ABLIM1: variants seen among roughly 807,000 people sequenced by gnomAD.
ABLIM1 encodes actin binding LIM protein 1, also known as actin-binding LIM protein 1.
ABLIM1 carries 40 observed loss-of-function variants against 107.0 expected under a neutral mutation model. The ratio of observed to expected loss-of-function variants is 0.37; its 90% CI spans 0.29 to 0.49. The LOEUF (loss-of-function observed/expected upper bound fraction) is 0.49. Among genes scored for constraint, ABLIM1 ranks in the 20% least tolerant of loss-of-function variants. The probability of loss-of-function intolerance (pLI) is 0.97; values close to 1 mark genes in which losing one functional copy is unlikely to be tolerated. For missense variants in ABLIM1, 857 were observed against 1,008.5 expected (o/e 0.85, Z 2.04); for synonymous variants, 357 against 357.3 (o/e 1.00, Z 0.01).
upstream of ABLIM1, among the ~76,000 whole-genome samples, chr10:114,768,835 A>G (rs1175422235): frequency 6.6e-6 from 1 of 152,138 alleles, no homozygotes; most frequent in Non-Finnish European, 1.5e-5. Context: ...GCTGGTGACC[A>G]CTCTGAACAA....
intron 12 of ABLIM1, chr10:114,462,895 C>A: frequency 1.2e-6 from 1 of 818,678 alleles, no homozygotes; most frequent in Non-Finnish European, 1.8e-6. Context: ...CGTTCTAAGA[C>A]AACTGTTGGG....
chr10:114,558,136 C>G (rs1287270969), intron 4 of ABLIM1, among the ~76,000 whole-genome samples: 1 of 152,144 alleles, frequency 6.6e-6, no homozygotes, highest in Admixed American at 6.6e-5. Flanking sequence ...GGGACCCAGA[C>G]CAAACCCCTG....
At chr10:114,463,532 TA>T (rs147705117) in intron 12 of ABLIM1, among the ~76,000 whole-genome samples, 4 of 151,142 alleles carry the variant, frequency 2.6e-5, no homozygotes, top group Admixed American at 2.0e-4. Flanking sequence ...AAATGCTTAT[TA>T]AAAAAAATGA....
At chr10:114,487,880 C>T in intron 8 of ABLIM1, 78 bp downstream of exon 8, 1 of 1,548,670 alleles carries the variant, frequency 6.5e-7, no homozygotes, top group Non-Finnish European at 8.9e-7. Context: ...TTCACCTAAA[C>T]CCTAGCCCCA....
intron 4 of ABLIM1, among the ~76,000 whole-genome samples, 177 bp from the exon 5 acceptor site, chr10:114,547,953 T>A (rs2137661223): frequency 6.6e-6 from 1 of 152,356 alleles, no homozygotes; most frequent in Middle Eastern, 3.4e-3. Context: ...GCTCACAGGC[T>A]GCGTCCTCGG....
At chr10:114,612,429 T>C (rs1490830739) in intron 1 of ABLIM1, among the ~76,000 whole-genome samples, 1 of 152,208 alleles carries the variant, frequency 6.6e-6, no homozygotes, top group East Asian at 1.9e-4. Context: ...TCTGTTTCTT[T>C]ATAAATTATC....
intron 1 of ABLIM1, among the ~76,000 whole-genome samples, chr10:114,674,348 T>G (rs1165304658): frequency 6.6e-6 from 1 of 152,092 alleles, no homozygotes; most frequent in Non-Finnish European, 1.5e-5. Context: ...GTACACACCT[T>G]TGGTCTCAAT....
intron 1 of ABLIM1, among the ~76,000 whole-genome samples, chr10:114,631,675 C>A (rs2078185633): frequency 6.6e-6 from 1 of 152,082 alleles, no homozygotes. Context: ...CACCCCAGAG[C>A]TCAGCTGTGC....
In ABLIM1 at chr10:114,596,509, A is replaced by AC. The variant is rs899917037; in HGVS notation, c.379+5317dup. On this transcript the variant is annotated intron_variant, in intron 2 of 22. Coordinates refer to ENST00000533213, the MANE Select transcript of ABLIM1 (RefSeq NM_002313.7). ...AGACCAGCCTGGGCAACACAGCGAG[A>AC]CCCCCCATCACAAAATACAACATGT... Among the ~76,000 whole-genome samples, 54 of 152,108 alleles carry AC rather than the reference A, an allele frequency of 3.6e-4. 1 individual carries two copies. The highest frequency in any genetic ancestry group is 1.2e-3 in the African/African-American group (51 of 41,504).
chr10:114,470,209 G>A (rs1477827311), intron 10 of ABLIM1, among the ~76,000 whole-genome samples: 4 of 152,124 alleles, frequency 2.6e-5, no homozygotes, highest in Non-Finnish European at 4.4e-5. Flanking sequence ...GATCACTTGA[G>A]GTCAGGAGTT....
At chr10:114,474,603 A>T (rs563247476) in intron 8 of ABLIM1, among the ~76,000 whole-genome samples, 1 of 152,078 alleles carries the variant, frequency 6.6e-6, no homozygotes, top group East Asian at 1.9e-4. Flanking sequence ...GATGGTCTTG[A>T]TCTCCTGACC....
At chr10:114,485,037 G>T (rs938701995) in intron 8 of ABLIM1, among the ~76,000 whole-genome samples, 1 of 152,262 alleles carries the variant, frequency 6.6e-6, no homozygotes, top group East Asian at 1.9e-4. Flanking sequence ...GTGAACAAAC[G>T]TGGCAACACG....
chr10:114,755,206 G>A lies in ABLIM1; in HGVS notation c.-213+12855C>T, dbSNP rs1376698739. ...TTCTCATGGGAACGCAAACCCTACC[G>A]TGAACTGTGCATGCGAAGGATATAA... On this transcript the variant is annotated intron_variant, in intron 1 of 15. Transcript: ENST00000651092. Among the ~76,000 whole-genome samples the A allele has an allele frequency of 3.9e-5, 6 of 152,166 alleles. No homozygotes were observed. The South Asian group carries it at 6.2e-4, about 16-fold the overall frequency.
chr10:114,454,073 C>T (rs1473602777), intron 12 of ABLIM1, among the ~76,000 whole-genome samples: 3 of 152,136 alleles, frequency 2.0e-5, no homozygotes, highest in African/African-American at 7.2e-5. Flanking sequence ...TAGAGTCAGA[C>T]GCGTGTCAGC....
intron 3 of ABLIM1, among the ~76,000 whole-genome samples, chr10:114,571,927 T>C (rs1351158233): frequency 6.6e-6 from 1 of 152,208 alleles, no homozygotes; most frequent in Non-Finnish European, 1.5e-5. Flanking sequence ...GAACGTTTCA[T>C]GGTGCTGGAG....
chr10:114,517,854 T>C (rs547984982), intron 6 of ABLIM1, among the ~76,000 whole-genome samples: 43 of 152,118 alleles, frequency 2.8e-4, no homozygotes, highest in Admixed American at 4.6e-4. Context: ...TTTGGAAACA[T>C]AGTAACGCTG....
intron 4 of ABLIM1, among the ~76,000 whole-genome samples, chr10:114,561,139 G>T (rs1424804376): frequency 6.6e-6 from 1 of 152,176 alleles, no homozygotes; most frequent in Non-Finnish European, 1.5e-5. Context: ...TGGCGAAGAG[G>T]TTTATGATAA....
upstream of ABLIM1, among the ~76,000 whole-genome samples, chr10:114,772,905 A>G (rs2083041107): frequency 6.6e-6 from 1 of 152,174 alleles, no homozygotes; most frequent in Non-Finnish European, 1.5e-5. Flanking sequence ...TTCAAAAAGA[A>G]CCAAATAGAA....
At chr10:114,508,762 G>A (rs956479552) in intron 6 of ABLIM1, among the ~76,000 whole-genome samples, 2 of 152,188 alleles carry the variant, frequency 1.3e-5, no homozygotes, top group East Asian at 1.9e-4. Context: ...TTCATTGGCA[G>A]TTACTGTGAA....
Sources: gnomAD v4.1 joint callset for allele counts (sites outside exome capture counted in the v4.1 genomes callset) on GRCh38, gnomAD v4.1.1 for gene constraint, MANE v1.5 for transcripts, NCBI Gene and HGNC (gene_info 2026-07-23, HGNC 2026-07-21) for gene names.